The following MED13L variants were observed in gnomAD, a reference collection of about 807,000 sequenced individuals.
The protein encoded by MED13L is mediator of RNA polymerase II transcription subunit 13-like.
In MED13L, 7 loss-of-function variants were observed where a neutral mutation model predicts 220.9. The observed-to-expected ratio is 0.03, with a 90% confidence interval of 0.02 to 0.06. The LOEUF is 0.06. Ranked by LOEUF, MED13L falls within the 10% of genes least tolerant of loss-of-function variation. MED13L has a pLI of 1.00. For synonymous variants in MED13L, 1,011 were observed against 1,015.2 expected (o/e 1.00, Z 0.08); for missense variants, 1,965 against 2,760.5 (o/e 0.71, Z 6.46).
chr12:116,197,718 T>C (rs1449910705), intron 2 of MED13L, among the ~76,000 whole-genome samples: 1 of 151,838 alleles, frequency 6.6e-6, no homozygotes, highest in Admixed American at 6.6e-5. Context: ...TGAGCAGAGA[T>C]TGTGCCATTG....
At chr12:116,188,345 A>G (rs1881037635) in intron 2 of MED13L, among the ~76,000 whole-genome samples, 1 of 152,064 alleles carries the variant, frequency 6.6e-6, no homozygotes, top group African/African-American at 2.4e-5. Context: ...AAGATCCTCA[A>G]TTTTCAACAA....
chr12:116,015,024 T>C, intron 8 of MED13L, 85 bp downstream of exon 8: 3 of 1,349,344 alleles, frequency 2.2e-6, no homozygotes, highest in East Asian at 4.6e-5. Context: ...GGTCACACAA[T>C]AGTGCAATGT....
intron 2 of MED13L, chr12:116,169,220 A>G (rs1308740767): frequency 1.3e-5 from 2 of 153,216 alleles, no homozygotes; most frequent in Non-Finnish European, 2.9e-5. Context: ...AATGGTGGTA[A>G]TACAGGCAAA....
At chr12:116,031,241 T>C (rs1382192853) in intron 4 of MED13L, among the ~76,000 whole-genome samples, 1 of 151,986 alleles carries the variant, frequency 6.6e-6, no homozygotes, top group East Asian at 1.9e-4. Context: ...GCCCTAGATA[T>C]CCAAGTCAAT....
intron 4 of MED13L, among the ~76,000 whole-genome samples, chr12:116,078,409 GAATA>G (rs1396128676): frequency 6.6e-6 from 1 of 152,086 alleles, no homozygotes; most frequent in Admixed American, 6.5e-5. Flanking sequence ...AGTGAAAGCA[GAATA>G]AATAACTGAA....
intron 25 of MED13L, among the ~76,000 whole-genome samples, chr12:115,974,501 G>A (rs981195660): frequency 6.6e-6 from 1 of 152,186 alleles, no homozygotes; most frequent in Non-Finnish European, 1.5e-5. Flanking sequence ...AAATGAGCTG[G>A]GCTCAGCACC....
rs1286999510 is a variant in MED13L, at chr12:116,015,248, C to A, written c.1036G>T (p.Ala346Ser). Residue 346 changes from alanine to serine, a missense_variant, in exon 8 of 31, where the codon GCC (alanine) becomes TCC (serine). Ala to Ser is a moderately conservative substitution (Grantham distance 99, BLOSUM62 1). This residue lies in a region of MED13L where 818 missense variants were observed against 1,041.2 expected (regional missense o/e 0.79). Transcript: ENST00000281928. ...CCATCTTGGGAAACCAGGTGACTGG[C>A]AGCACTCTGCATACCTCCACTCTCA... ...LGESGGMQSA[A>S]SHLVSQDGGM... The A allele has an allele frequency of 6.2e-7, 1 of 1,613,840 alleles. No individual in the cohort carries two copies. Among genetic ancestry groups the A allele is most frequent in the Non-Finnish European group, 8.5e-7 (1 of 1,179,838 alleles).
chr12:116,253,870 G>A (rs945157463), intron 1 of MED13L, among the ~76,000 whole-genome samples: 11 of 144,338 alleles, frequency 7.6e-5, no homozygotes, highest in African/African-American at 1.3e-4. Flanking sequence ...AGAGATTCTC[G>A]TGCCTCGGCC....
At chr12:116,181,139 C>G (rs980078738) in intron 2 of MED13L, 1 of 152,222 alleles carries the variant, frequency 6.6e-6, no homozygotes, top group African/African-American at 2.4e-5. Context: ...CCATGTTGGT[C>G]AGGCTGGTCT....
chr12:116,055,371 A>G (rs1208634730), intron 4 of MED13L, among the ~76,000 whole-genome samples: 5 of 152,262 alleles, frequency 3.3e-5, no homozygotes, highest in African/African-American at 1.2e-4. Flanking sequence ...TGCAAGTCGG[A>G]TAATTAAAAT....
At chr12:116,266,274 AAGG>A (rs1383148609) in intron 1 of MED13L, among the ~76,000 whole-genome samples, 1 of 152,178 alleles carries the variant, frequency 6.6e-6, no homozygotes, top group Admixed American at 6.6e-5. Flanking sequence ...GGGCTGAGTG[AAGG>A]AGGAGAGGAA....
At chr12:116,098,222 G>C (rs778196562) in intron 3 of MED13L, among the ~76,000 whole-genome samples, 1 of 151,640 alleles carries the variant, frequency 6.6e-6, no homozygotes, top group Non-Finnish European at 1.5e-5. Flanking sequence ...CTCCAGCCTG[G>C]GCAACAAGAG....
chr12:116,084,180 T>C (rs1169894166), intron 4 of MED13L, among the ~76,000 whole-genome samples: 1 of 152,238 alleles, frequency 6.6e-6, no homozygotes, highest in Non-Finnish European at 1.5e-5. Context: ...TGGGTATTTT[T>C]AGCACCACGT....
intron 4 of MED13L, among the ~76,000 whole-genome samples, chr12:116,065,478 G>T (rs1214910784): frequency 6.6e-6 from 1 of 152,088 alleles, no homozygotes; most frequent in Admixed American, 6.6e-5. Flanking sequence ...ATAATTTGAA[G>T]AAATTATGTA....
intron 4 of MED13L, among the ~76,000 whole-genome samples, chr12:116,086,531 C>T (rs989101194): frequency 1.1e-4 from 16 of 152,146 alleles, no homozygotes; most frequent in African/African-American, 3.6e-4. Flanking sequence ...ATCTGCCTGT[C>T]TCGGCCTCCC....
chr12:116,166,681 G>T (rs1593121208), intron 2 of MED13L, among the ~76,000 whole-genome samples: 1 of 152,016 alleles, frequency 6.6e-6, no homozygotes, highest in Non-Finnish European at 1.5e-5. Flanking sequence ...AATCATACTT[G>T]TCTTCACTGC....
intron 20 of MED13L, among the ~76,000 whole-genome samples, chr12:115,983,970 A>G (rs921615204): frequency 2.0e-5 from 3 of 152,236 alleles, no homozygotes; most frequent in Non-Finnish European, 2.9e-5. Context: ...CAGTAATTAG[A>G]CATGATTAGG....
chr12:115,984,514 C>CTTGTAATGTTGGTTTG, intron 19 of MED13L, 142 bp from the exon 20 acceptor site: 1 of 887,474 alleles, frequency 1.1e-6, no homozygotes, highest in Non-Finnish European at 1.7e-6. Flanking sequence ...ATCAAACCAA[C>CTTGTAATGTTGGTTTG]ATTACAAGTT....
intron 25 of MED13L, 108 bp downstream of exon 25, chr12:115,975,061 ATC>A (rs1876841487): frequency 5.4e-6 from 6 of 1,118,088 alleles, no homozygotes; most frequent in Middle Eastern, 2.0e-4. Context: ...ATAAAATAGA[ATC>A]TGTTTAATTC....
Sources: allele counts gnomAD v4.1 joint callset (sites outside exome capture counted in the v4.1 genomes callset), GRCh38; gene constraint gnomAD v4.1.1; regional missense constraint gnomAD v4.1.1; transcripts MANE v1.5; gene names NCBI Gene and HGNC (gene_info 2026-07-23, HGNC 2026-07-21).